IL1RAP: variants seen among roughly 807,000 people sequenced by gnomAD.
IL1RAP encodes the protein interleukin 1 receptor accessory protein, also known as interleukin-1 receptor accessory protein.
A neutral mutation model predicts 60.7 loss-of-function variants in IL1RAP; 35 were observed. That is an observed-to-expected ratio of 0.58 (90% CI 0.44 to 0.76). The LOEUF is 0.76. Among genes scored for constraint, IL1RAP ranks in the 30% least tolerant of loss-of-function variants. The pLI is 0.00. For missense variants in IL1RAP, 572 were observed against 693.9 expected (o/e 0.82, Z 1.97); for synonymous variants, 268 against 250.9 (o/e 1.07, Z -0.64).
At chr3:190,545,764 C>A (rs928693945) in intron 1 of IL1RAP, among the ~76,000 whole-genome samples, 2 of 152,094 alleles carry the variant, frequency 1.3e-5, no homozygotes, top group African/African-American at 2.4e-5. Context: ...AAACTCTTGG[C>A]AGCTTGAGGA....
chr3:190,537,346 T>C (rs1723552200), intron 1 of IL1RAP, among the ~76,000 whole-genome samples: 1 of 152,178 alleles, frequency 6.6e-6, no homozygotes, highest in African/African-American at 2.4e-5. Flanking sequence ...TTGACTCAGA[T>C]CTATTCCTTT....
At chr3:190,653,724 A>T (rs1042002864), downstream of IL1RAP, among the ~76,000 whole-genome samples, 4 of 152,206 alleles carry the variant, frequency 2.6e-5, no homozygotes, top group Admixed American at 2.0e-4. Flanking sequence ...TCTCATTATT[A>T]TATGGCCATA....
chr3:190,592,468 C>G (rs1729025428), intron 3 of IL1RAP, among the ~76,000 whole-genome samples: 1 of 152,150 alleles, frequency 6.6e-6, no homozygotes, highest in South Asian at 2.1e-4. Flanking sequence ...TAATCCAAAA[C>G]CCAGTTATGA....
chr3:190,530,289 A>C (rs16865562), intron 1 of IL1RAP, among the ~76,000 whole-genome samples: 5,192 of 152,258 alleles, frequency 0.034, 317 homozygotes, highest in African/African-American at 0.12. Context: ...CCTATAAGAC[A>C]TGGAGACACA....
At chr3:190,592,175 A>G (rs1729002972) in intron 3 of IL1RAP, among the ~76,000 whole-genome samples, 1 of 152,130 alleles carries the variant, frequency 6.6e-6, no homozygotes, top group African/African-American at 2.4e-5. Context: ...ACGCGCCACC[A>G]CACCCAGCTA....
At chr3:190,622,772 C>T (rs927110836) in intron 6 of IL1RAP, among the ~76,000 whole-genome samples, 2 of 152,112 alleles carry the variant, frequency 1.3e-5, no homozygotes, top group Admixed American at 6.5e-5. Context: ...AGAAGCTCTC[C>T]GAACCTCATT....
intron 3 of IL1RAP, among the ~76,000 whole-genome samples, chr3:190,599,128 T>G (rs1336401947): frequency 6.6e-6 from 1 of 152,168 alleles, no homozygotes; most frequent in African/African-American, 2.4e-5. Flanking sequence ...ACTGGTTCGT[T>G]ACCAAGCCCT....
At chr3:190,520,477 C>T (rs1041304527) in intron 1 of IL1RAP, 1 of 152,060 alleles carries the variant, frequency 6.6e-6, no homozygotes, top group Non-Finnish European at 1.5e-5. Flanking sequence ...CCATTTCTGT[C>T]CTAATAATAA....
chr3:190,573,070 AGCCGG>A (rs1727124123), intron 3 of IL1RAP, among the ~76,000 whole-genome samples: 4 of 112,938 alleles, frequency 3.5e-5, no homozygotes, highest in Non-Finnish European at 5.8e-5. Context: ...TCACCGTTTT[AGCCGG>A]GATGGTCTCG....
intron 9 of IL1RAP, among the ~76,000 whole-genome samples, chr3:190,636,605 G>A (rs1481076478): frequency 2.0e-5 from 3 of 151,562 alleles, no homozygotes; most frequent in Admixed American, 6.6e-5. Flanking sequence ...GCAGTGGTGC[G>A]ATCTCAGCTC....
intron 1 of IL1RAP, among the ~76,000 whole-genome samples, chr3:190,551,752 G>T (rs2108591003): frequency 6.6e-6 from 1 of 152,172 alleles, no homozygotes; most frequent in South Asian, 2.1e-4. Flanking sequence ...ACAATCTTTT[G>T]AAAAGGATTA....
At chr3:190,600,689 A>G (rs752318469) in intron 3 of IL1RAP, among the ~76,000 whole-genome samples, 1 of 152,218 alleles carries the variant, frequency 6.6e-6, no homozygotes, top group Non-Finnish European at 1.5e-5. Flanking sequence ...AGTAAGTCAC[A>G]TGGCCGCTCC....
At chr3:190,656,833 G>A (rs1009813393) in exon 12 of IL1RAP, 1 of 432,804 alleles carries the variant, frequency 2.3e-6, no homozygotes, top group Non-Finnish European at 4.1e-6. Flanking sequence ...TTGGGCCCTA[G>A]AAGGTCAGTA....
chr3:190,561,745 C>A (rs1310006737), intron 2 of IL1RAP, among the ~76,000 whole-genome samples: 1 of 152,124 alleles, frequency 6.6e-6, no homozygotes, highest in Non-Finnish European at 1.5e-5. Flanking sequence ...AAGTTTAATG[C>A]AGAATTATTA....
At chr3:190,548,195 T>C (rs934541677) in intron 1 of IL1RAP, among the ~76,000 whole-genome samples, 1 of 152,184 alleles carries the variant, frequency 6.6e-6, no homozygotes, top group Admixed American at 6.5e-5. Context: ...GTGGCATCTG[T>C]TTGAACCAAC....
At chr3:190,547,732 T>G (rs1184206081) in intron 1 of IL1RAP, among the ~76,000 whole-genome samples, 1 of 152,190 alleles carries the variant, frequency 6.6e-6, no homozygotes, top group Admixed American at 6.5e-5. Context: ...AAGTCTGCTG[T>G]GAATGTTCTA....
chr3:190,560,717 A>G (rs775373493), intron 2 of IL1RAP, among the ~76,000 whole-genome samples: 2 of 152,208 alleles, frequency 1.3e-5, no homozygotes, highest in Non-Finnish European at 2.9e-5. Flanking sequence ...GAGAGAATTC[A>G]GTGGTCAGAG....
At chr3:190,546,872 T>C (rs1724418930) in intron 1 of IL1RAP, among the ~76,000 whole-genome samples, 1 of 152,224 alleles carries the variant, frequency 6.6e-6, no homozygotes, top group Admixed American at 6.5e-5. Flanking sequence ...GCATAGTAGG[T>C]ATCCAGTTAC....
In IL1RAP at chr3:190,635,282, G is replaced by T. The variant is rs148516187; in HGVS notation, c.1051+5784G>T. On this transcript the variant is annotated intron_variant, in intron 9 of 11. Transcript: ENST00000447382. ...TTTGTCCTTCATCAGTCAAGATAAG[G>T]GTTTCTCAATTTTGCTAATTTTTTC... Among the ~76,000 whole-genome samples the T allele has an allele frequency of 7.4e-3, 1,126 of 151,336 alleles. 12 individuals are homozygous for T. The highest frequency in any genetic ancestry group is 9.7e-3 in the Non-Finnish European group (659 of 67,780).
Sources: gnomAD v4.1 joint callset for allele counts (sites outside exome capture counted in the v4.1 genomes callset) on GRCh38, gnomAD v4.1.1 for gene constraint, MANE v1.5 for transcripts, NCBI Gene and HGNC (gene_info 2026-07-23, HGNC 2026-07-21) for gene names.